Variants in SLC1A2 observed in about 807,000 individuals in gnomAD.
The protein encoded by SLC1A2 is solute carrier family 1 member 2.
A neutral mutation model predicts 48.8 loss-of-function variants in SLC1A2; 15 were observed. The observed-to-expected ratio is 0.31, with a 90% confidence interval of 0.21 to 0.47. The LOEUF (loss-of-function observed/expected upper bound fraction) is 0.47. Among genes scored for constraint, SLC1A2 ranks in the 20% least tolerant of loss-of-function variants. The probability of loss-of-function intolerance (pLI) is 0.99; values close to 1 mark genes in which losing one functional copy is unlikely to be tolerated. For synonymous variants in SLC1A2, 279 were observed against 272.6 expected (o/e 1.02, Z -0.23); for missense variants, 502 against 730.5 (o/e 0.69, Z 3.61).
At chr11:35,374,800 T>C (rs1854172546) in intron 1 of SLC1A2, among the ~76,000 whole-genome samples, 1 of 151,396 alleles carries the variant, frequency 6.6e-6, no homozygotes, top group African/African-American at 2.4e-5. Flanking sequence ...TAATTTTGTC[T>C]TATACTTAGT....
intron 1 of SLC1A2, among the ~76,000 whole-genome samples, chr11:35,413,991 A>G (rs887044892): frequency 6.6e-6 from 1 of 152,222 alleles, no homozygotes; most frequent in Non-Finnish European, 1.5e-5. Context: ...TAACATTGCC[A>G]TCATCTATCC....
At chr11:35,305,113 G>A (rs1372581914) in intron 5 of SLC1A2, among the ~76,000 whole-genome samples, 3 of 152,150 alleles carry the variant, frequency 2.0e-5, no homozygotes, top group Non-Finnish European at 2.9e-5. Flanking sequence ...TTCCTGTCTC[G>A]GGGACACCAT....
intron 1 of SLC1A2, among the ~76,000 whole-genome samples, chr11:35,318,937 G>T (rs1195618673): frequency 6.6e-6 from 1 of 152,098 alleles, no homozygotes; most frequent in East Asian, 1.9e-4. Context: ...TTCATAACAG[G>T]CTGCTTAATA....
At chr11:35,361,822 C>T (rs540400281) in intron 1 of SLC1A2, among the ~76,000 whole-genome samples, 1 of 152,188 alleles carries the variant, frequency 6.6e-6, no homozygotes, top group Admixed American at 6.5e-5. Context: ...CACAAAAATA[C>T]AAAAATTAAC....
chr11:35,373,669 G>A (rs1800851107), intron 1 of SLC1A2, among the ~76,000 whole-genome samples: 1 of 152,196 alleles, frequency 6.6e-6, no homozygotes, highest in African/African-American at 2.4e-5. Flanking sequence ...CCATCTGCTG[G>A]GCAGGAAGTG....
intron 1 of SLC1A2, among the ~76,000 whole-genome samples, chr11:35,367,766 C>T (rs185331936): frequency 8.5e-4 from 130 of 152,278 alleles, no homozygotes; most frequent in Middle Eastern, 3.4e-3. Context: ...CCTATGTGAA[C>T]GCCACCTCTA....
At chr11:35,413,986 T>C (rs1046867713) in intron 1 of SLC1A2, among the ~76,000 whole-genome samples, 1 of 152,236 alleles carries the variant, frequency 6.6e-6, no homozygotes, top group South Asian at 2.1e-4. Context: ...GTCTTTAACA[T>C]TGCCATCATC....
chr11:35,268,406 G>A (rs1211989171), intron 9 of SLC1A2, among the ~76,000 whole-genome samples: 1 of 152,160 alleles, frequency 6.6e-6, no homozygotes, highest in African/African-American at 2.4e-5. Flanking sequence ...GCTGGGCATG[G>A]CGGCTCATGC....
chr11:35,351,719 C>T (rs1334353026), intron 1 of SLC1A2, among the ~76,000 whole-genome samples: 1 of 152,068 alleles, frequency 6.6e-6, no homozygotes, highest in African/African-American at 2.4e-5. Flanking sequence ...CACTACAACC[C>T]TCTCCTCCCA....
At chr11:35,368,761 G>A (rs1186396843) in intron 1 of SLC1A2, among the ~76,000 whole-genome samples, 2 of 152,204 alleles carry the variant, frequency 1.3e-5, no homozygotes, top group Non-Finnish European at 2.9e-5. Flanking sequence ...TATCAGCTGG[G>A]GTAGATTCAG....
chr11:35,270,916 C>T (rs116665307), intron 9 of SLC1A2, among the ~76,000 whole-genome samples: 1,829 of 152,232 alleles, frequency 0.012, 39 homozygotes, highest in African/African-American at 0.041. Context: ...GTCTTTATCT[C>T]AAGTGTAATG....
At chr11:35,266,655 A>G (rs1447127444) in intron 9 of SLC1A2, among the ~76,000 whole-genome samples, 2 of 152,136 alleles carry the variant, frequency 1.3e-5, no homozygotes. Context: ...GGCCATGTTT[A>G]CTAGATATTC....
chr11:35,416,368 A>G lies in SLC1A2; in HGVS notation c.17+2582T>C, dbSNP rs144657269. Reference sequence around the variant, plus strand: ...CTTGGAATCTTTCTGAAAAGATGGTATTCCCTATATATAATTTTATCCTTA... The same window carrying G: ...CTTGGAATCTTTCTGAAAAGATGGTGTTCCCTATATATAATTTTATCCTTA... On this transcript the variant is annotated intron_variant, in intron 1 of 10. Coordinates refer to ENST00000278379, the MANE Select transcript of SLC1A2 (RefSeq NM_004171.4). Among the ~76,000 whole-genome samples, 852 of 152,350 alleles carry G rather than the reference A, an allele frequency of 5.6e-3. 7 individuals carry two copies. Among genetic ancestry groups the G allele is most frequent in the African/African-American group, 0.019 (810 of 41,578 alleles).
intron 9 of SLC1A2, among the ~76,000 whole-genome samples, chr11:35,276,572 GGGCC>G (rs1850448166): frequency 6.6e-6 from 1 of 152,206 alleles, no homozygotes; most frequent in East Asian, 1.9e-4. Context: ...TGATCTGGGA[GGGCC>G]CAGCCCTCCT....
At chr11:35,363,565 G>A (rs1028855706) in intron 1 of SLC1A2, among the ~76,000 whole-genome samples, 5 of 152,130 alleles carry the variant, frequency 3.3e-5, no homozygotes, top group African/African-American at 9.7e-5. Flanking sequence ...TAACACATCT[G>A]GCTTGGTCTC....
intron 1 of SLC1A2, among the ~76,000 whole-genome samples, chr11:35,317,982 C>G (rs746638357): frequency 6.6e-6 from 1 of 152,172 alleles, no homozygotes; most frequent in Non-Finnish European, 1.5e-5. Flanking sequence ...CAAGCCTTCC[C>G]CATCCTGACA....
intron 1 of SLC1A2, among the ~76,000 whole-genome samples, chr11:35,367,681 G>A (rs1233831819): frequency 6.6e-6 from 1 of 152,148 alleles, no homozygotes; most frequent in Non-Finnish European, 1.5e-5. Flanking sequence ...GCTACCATCA[G>A]CTGAAAACTG....
In SLC1A2 at chr11:35,419,339, CG is replaced by C; in HGVS notation, c.-374del. On this transcript the variant is annotated 5_prime_UTR_variant, in exon 1 of 11. Transcript: ENST00000278379. The surrounding 1 kb of genome is among the most constrained non-coding windows in gnomAD (Gnocchi z 5.4). ...AGCCGCTGCCACCTGTGCTTTGCTG[CG>C]GGGCTCGCGGGCGCGGCGAGTGGCG... 1 of 233,712 alleles carries C rather than the reference CG, an allele frequency of 4.3e-6. No individual in the cohort carries two copies. The highest frequency in any genetic ancestry group is 8.2e-6 in the Non-Finnish European group (1 of 121,836). 14.5% of individuals were successfully genotyped at this position (233,712 alleles called of 1,614,324 possible).
chr11:35,371,750 G>GC (rs1854070952), intron 1 of SLC1A2, among the ~76,000 whole-genome samples: 1 of 152,144 alleles, frequency 6.6e-6, no homozygotes, highest in Non-Finnish European at 1.5e-5. Flanking sequence ...TCACCTAGGA[G>GC]CCCCATACAA....
Sources: gnomAD v4.1 joint callset for allele counts (sites outside exome capture counted in the v4.1 genomes callset) on GRCh38, gnomAD v4.1.1 for gene constraint, Gnocchi (gnomAD v3.1) non-coding constraint, MANE v1.5 for transcripts, NCBI Gene and HGNC (gene_info 2026-07-23, HGNC 2026-07-21) for gene names.